Variants in STAB2 observed in about 807,000 individuals in gnomAD.
The protein encoded by STAB2 is stabilin 2.
STAB2 carries 288 observed loss-of-function variants against 338.1 expected under a neutral mutation model. That is an observed-to-expected ratio of 0.85 (90% CI 0.77 to 0.94). STAB2 has a LOEUF of 0.94. Among genes scored for constraint, STAB2 ranks in the 40% least tolerant of loss-of-function variants. The probability of loss-of-function intolerance (pLI) is 0.00; values close to 1 mark genes in which losing one functional copy is unlikely to be tolerated. For synonymous variants in STAB2, 1,202 were observed against 1,193.3 expected (o/e 1.01, Z -0.15); for missense variants, 3,141 against 3,210.1 (o/e 0.98, Z 0.52).
intron 48 of STAB2, 147 bp from the exon 49 acceptor site, chr12:103,729,969 T>C (rs1335551687): frequency 1.5e-6 from 1 of 673,492 alleles, no homozygotes; most frequent in Non-Finnish European, 2.3e-6. Context: ...CACTTTATAA[T>C]CATAATAAAA....
rs1202612548 is a variant in STAB2 at position 103,640,178 on chromosome 12, G to A, written c.962G>A (p.Ser321Asn). The A allele has an allele frequency of 1.9e-6, 3 of 1,613,940 alleles. No individual in the cohort carries two copies. Among genetic ancestry groups the A allele is most frequent in the East Asian group, 2.2e-5 (1 of 44,884 alleles). ...AATTTCGTACCTGGAGTGGGGTGCA[G>A]TATGACTGATATATGTAAATCAGAT... ...YQNFVPGVGCSMTDICKSDNP... is the reference protein window; with the variant it reads ...YQNFVPGVGCNMTDICKSDNP... The change falls in exon 9 of 69, where the codon AGT becomes AAT. Residue 321 changes from serine (S) to asparagine (N), a missense_variant. Physicochemically the swap from Ser to Asn is conservative, Grantham distance 46 (BLOSUM62 1). Coordinates refer to ENST00000388887, the MANE Select transcript of STAB2 (RefSeq NM_017564.10).
chr12:103,737,630 T>TTTTTTTTG lies in STAB2; in HGVS notation c.5551-3_5551-2insTTTTTTGT. 6.8e-7 allele frequency: 1 copy of TTTTTTTTG among 1,460,414 alleles called. No individual in the cohort carries two copies. The highest frequency in any genetic ancestry group is 1.2e-5 in the South Asian group (1 of 83,544). 90.5% of individuals were successfully genotyped at this position (1,460,414 alleles called of 1,614,324 possible). ...TCTTTTTTTTTTTTTTTTTTCTTTC[T>TTTTTTTTG]TAGGGTGACCTCTTTCTGAATGGCC... is the stretch of plus-strand genomic sequence containing the variant. On this transcript the variant is annotated splice_region_variant and splice_polypyrimidine_tract_variant and intron_variant, in intron 52 of 68. Coordinates refer to ENST00000388887, the MANE Select transcript of STAB2 (RefSeq NM_017564.10).
chr12:103,743,249 C>T (rs1169601201), intron 56 of STAB2, among the ~76,000 whole-genome samples: 1 of 151,790 alleles, frequency 6.6e-6, no homozygotes, highest in Non-Finnish European at 1.5e-5. Flanking sequence ...CTCAAACTCC[C>T]GACCTCAGGT....
chr12:103,746,163 C>A (rs11111742), intron 57 of STAB2, among the ~76,000 whole-genome samples: 24,701 of 152,070 alleles, frequency 0.16, 2,550 homozygotes, highest in East Asian at 0.48. Flanking sequence ...TGCACTGTAA[C>A]CCCAGCCAAT....
In STAB2 at chr12:103,727,319, C is replaced by T; in HGVS notation, c.4904C>T (p.Pro1635Leu). The change falls in exon 47 of 69, where the codon CCT becomes CTT. Residue 1635 changes from proline to leucine, a missense_variant. Pro to Leu is a moderately conservative substitution (Grantham distance 98, BLOSUM62 -3). Coordinates refer to ENST00000388887, the MANE Select transcript of STAB2 (RefSeq NM_017564.10). Reference protein sequence around the residue: ...VGPGPFTVFAPLSAAFDEEAR... With the variant: ...VGPGPFTVFALLSAAFDEEAR... The stretch of plus-strand genomic sequence containing the variant: ...CCAGGCCCCTTCACTGTTTTTGCAC[C>T]TTTATCTGCAGCCTTTGATGAGGAA... 1.2e-6 allele frequency: 2 copies of T among 1,614,212 alleles called. No individual in the cohort carries two copies. The highest frequency in any genetic ancestry group is 2.2e-5 in the South Asian group (2 of 91,088).
intron 48 of STAB2, 42 bp downstream of exon 48, chr12:103,729,037 T>G: frequency 6.2e-7 from 1 of 1,605,414 alleles, no homozygotes; most frequent in Non-Finnish European, 8.5e-7. Flanking sequence ...CCCTAGATCA[T>G]GTCCTTTGCA....
chr12:103,717,902 C>A lies in STAB2; in HGVS notation c.4683+61C>A. On this transcript the variant is annotated intron_variant, in intron 44 of 68. Transcript: ENST00000388887. ...TCAGAGCCCAGGGTGCCTCCCACCC[C>A]ACTTCTCGGGGATGCAGAGTTGAGG... is the stretch of plus-strand genomic sequence containing the variant. 5.1e-6 allele frequency: 8 copies of A among 1,564,188 alleles called. 1 individual carries two copies. The South Asian group carries it at 6.7e-5, about 13-fold the overall frequency.
intron 39 of STAB2, among the ~76,000 whole-genome samples, chr12:103,710,349 A>C (rs994542008): frequency 2.6e-5 from 4 of 151,470 alleles, no homozygotes; most frequent in African/African-American, 9.7e-5. Flanking sequence ...AAAGGAAATA[A>C]ATGTTTAGTA....
At chr12:103,641,890 T>G (rs1316771017) in intron 9 of STAB2, among the ~76,000 whole-genome samples, 1 of 152,192 alleles carries the variant, frequency 6.6e-6, no homozygotes. Context: ...ATTGATAAAA[T>G]ATGAAGTCAT....
intron 9 of STAB2, 131 bp downstream of exon 9, chr12:103,640,387 G>T: frequency 8.5e-7 from 1 of 1,180,352 alleles, no homozygotes; most frequent in Non-Finnish European, 1.2e-6. Flanking sequence ...CCACATAGTA[G>T]GAGCAAGGAT....
At chr12:103,613,920 A>G (rs1957169297) in intron 3 of STAB2, among the ~76,000 whole-genome samples, 2 of 152,128 alleles carry the variant, frequency 1.3e-5, no homozygotes, top group African/African-American at 2.4e-5. Context: ...TTAATTCTAT[A>G]TCTTGTATTT....
intron 63 of STAB2, among the ~76,000 whole-genome samples, 159 bp downstream of exon 63, chr12:103,755,877 T>C (rs983230461): frequency 2.0e-5 from 3 of 152,178 alleles, no homozygotes; most frequent in African/African-American, 7.2e-5. Context: ...TGCCACTCAC[T>C]TGTAAAACCT....
chr12:103,666,723 T>A (rs1011579073), intron 19 of STAB2, among the ~76,000 whole-genome samples: 3 of 152,390 alleles, frequency 2.0e-5, no homozygotes, highest in Admixed American at 1.3e-4. Context: ...TGGGTGGTAC[T>A]GGCATATTGT....
chr12:103,715,968 G>A (rs1880278981), intron 43 of STAB2, 80 bp downstream of exon 43: 1 of 1,445,424 alleles, frequency 6.9e-7, no homozygotes, highest in Non-Finnish European at 9.6e-7. Context: ...GAGAGAAAGA[G>A]GCTGAGAACG....
rs1287595182 is a variant in STAB2, at chr12:103,763,552, C to T, written c.7549C>T (p.Pro2517Ser). The T allele has an allele frequency of 3.7e-6, 6 of 1,613,936 alleles. No individual in the cohort carries two copies. Among genetic ancestry groups the T allele is most frequent in the East Asian group, 2.2e-5 (1 of 44,888 alleles). The change falls in exon 68 of 69, where the codon CCC (proline) becomes TCC (serine). Residue 2517 changes from proline (P) to serine (S), a missense_variant. Transcript: ENST00000388887. The part of the protein sequence containing the change: ...GKQQPENISN[P>S]LYESTTSAPP... ...GCAGCAGCCTGAGAATATCTCGAAC[C>T]CCTTGTATGAGAGCACAACCTCAGC... is the stretch of plus-strand genomic sequence containing the variant.
chr12:103,737,076 G>A (rs544988372), intron 52 of STAB2, among the ~76,000 whole-genome samples: 3 of 152,330 alleles, frequency 2.0e-5, no homozygotes, highest in Admixed American at 2.0e-4. Flanking sequence ...GCCAAACCGG[G>A]CACTTTGCTA....
At chr12:103,598,326 G>A (rs1303345040) in intron 3 of STAB2, among the ~76,000 whole-genome samples, 1 of 152,170 alleles carries the variant, frequency 6.6e-6, no homozygotes, top group African/African-American at 2.4e-5. Context: ...GGCAGGAAGT[G>A]TATTATCTTC....
At chr12:103,755,167 C>A (rs1883999179) in intron 61 of STAB2, 135 bp from the exon 62 acceptor site, 2 of 1,216,472 alleles carry the variant, frequency 1.6e-6, no homozygotes, top group Non-Finnish European at 1.2e-6. Flanking sequence ...CTACTGTGTG[C>A]CAGGCACAGA....
intron 3 of STAB2, among the ~76,000 whole-genome samples, chr12:103,597,074 T>G (rs537701875): frequency 6.6e-6 from 1 of 152,098 alleles, no homozygotes; most frequent in Admixed American, 6.5e-5. Context: ...TGGACATTAT[T>G]TCTACTGTCC....
Sources: allele counts gnomAD v4.1 joint callset (sites outside exome capture counted in the v4.1 genomes callset), GRCh38; gene constraint gnomAD v4.1.1; transcripts MANE v1.5; gene names NCBI Gene and HGNC (gene_info 2026-07-23, HGNC 2026-07-21).